ZNF670: variants seen among roughly 807,000 people sequenced by gnomAD.
ZNF670 encodes the protein zinc finger protein 670.
A neutral mutation model predicts 10.9 loss-of-function variants in ZNF670; 7 were observed. The observed-to-expected ratio is 0.64, with a 90% CI of 0.36 to 1.20. ZNF670 has a LOEUF of 1.20. ZNF670 is among the 50% of genes most tolerant of loss of function. ZNF670 has a pLI of 0.02. For missense variants in ZNF670, 446 were observed against 458.6 expected (o/e 0.97, Z 0.25); for synonymous variants, 136 against 152.7 (o/e 0.89, Z 0.81).
chr1:247,039,519 C>T lies in ZNF670; in HGVS notation c.22G>A (p.Asp8Asn), dbSNP rs1317381917. ...TCCTGAGTAAAGGCCACAGCCACAT[C>T]TTCAAATGACACTGAATCCTAGAAT... MDSVSFE[D>N]VAVAFTQEEW... is the part of the protein sequence containing the mutation. The change falls in exon 2 of 4, where the codon GAT (aspartate) becomes AAT (asparagine). Residue 8 changes from aspartate to asparagine, a missense_variant. Transcript: ENST00000366503. 6.3e-7 allele frequency: 1 copy of T among 1,594,918 alleles called. No individual in the cohort carries two copies. The highest frequency in any genetic ancestry group is 1.4e-5 in the African/African-American group (1 of 73,238).
At chr1:247,068,107 C>T (rs1671031977) in intron 1 of ZNF670, among the ~76,000 whole-genome samples, 1 of 150,312 alleles carries the variant, frequency 6.7e-6, no homozygotes, top group Non-Finnish European at 1.5e-5. Context: ...CACTTGAGCT[C>T]AGGAGTTTGA....
intron 1 of ZNF670, among the ~76,000 whole-genome samples, chr1:247,047,842 C>A (rs1255421286): frequency 1.3e-5 from 2 of 151,798 alleles, no homozygotes; most frequent in Non-Finnish European, 3.0e-5. Flanking sequence ...TAGGACACAG[C>A]ACCATGTCCC....
chr1:247,070,996 G>A (rs1671101209), intron 1 of ZNF670, among the ~76,000 whole-genome samples: 1 of 152,192 alleles, frequency 6.6e-6, no homozygotes, highest in Admixed American at 6.5e-5. Flanking sequence ...GCAGAGAAAA[G>A]GGAATGCTTA....
At chr1:247,072,958 AAG>A (rs1273389953) in intron 1 of ZNF670, among the ~76,000 whole-genome samples, 1 of 151,504 alleles carries the variant, frequency 6.6e-6, no homozygotes, top group South Asian at 2.1e-4. Context: ...GCCATAAAAA[AAG>A]AGCAAAATTC....
chr1:247,059,749 G>C (rs1343402068), intron 1 of ZNF670, among the ~76,000 whole-genome samples: 1 of 144,892 alleles, frequency 6.9e-6, no homozygotes, highest in Non-Finnish European at 1.6e-5. Context: ...TAACATGACT[G>C]TCTATGTACA....
chr1:247,071,496 T>C (rs1333816040), intron 1 of ZNF670, among the ~76,000 whole-genome samples: 2 of 152,126 alleles, frequency 1.3e-5, no homozygotes, highest in African/African-American at 4.8e-5. Flanking sequence ...AGGGTGAGGG[T>C]CTAAAAACTA....
In ZNF670 at chr1:247,037,495, C is replaced by G; in HGVS notation, c.1124G>C (p.Ser375Thr). The change falls in exon 4 of 4, where the codon AGT (serine) becomes ACT (threonine). Residue 375 changes from serine to threonine, a missense_variant. Physicochemically the swap from Ser to Thr is moderately conservative, Grantham distance 58. Transcript: ENST00000366503. ...YECKKCGKAF[S>T]CSSSLRKHER... ...ATGCTTTCGAAGGGAACTGGAACAACTGAAGGCTTTACCACATTTCTTACA... is the reference window on the plus strand; with the variant it reads ...ATGCTTTCGAAGGGAACTGGAACAAGTGAAGGCTTTACCACATTTCTTACA... 1 of 1,613,952 alleles carries G rather than the reference C, an allele frequency of 6.2e-7. No homozygotes were observed. The highest frequency in any genetic ancestry group is 8.5e-7 in the Non-Finnish European group (1 of 1,179,904).
intron 1 of ZNF670, among the ~76,000 whole-genome samples, chr1:247,048,771 G>A (rs1670518580): frequency 6.6e-6 from 1 of 152,164 alleles, no homozygotes; most frequent in African/African-American, 2.4e-5. Context: ...GTGGTAGGAA[G>A]AAGAATGACT....
intron 1 of ZNF670, among the ~76,000 whole-genome samples, chr1:247,063,577 CAAAA>C (rs5782410): frequency 4.3e-5 from 4 of 93,232 alleles, no homozygotes; most frequent in Non-Finnish European, 4.2e-5. Flanking sequence ...AGCGAGACAC[CAAAA>C]AAAAAAAAAA....
intron 1 of ZNF670, among the ~76,000 whole-genome samples, chr1:247,052,436 G>A (rs954029358): frequency 6.6e-6 from 1 of 152,158 alleles, no homozygotes; most frequent in African/African-American, 2.4e-5. Flanking sequence ...GTCCTGTGAT[G>A]TGATCTCTTC....
At chr1:247,056,613 A>G (rs55984722) in intron 1 of ZNF670, among the ~76,000 whole-genome samples, 53,820 of 152,046 alleles carry the variant, frequency 0.35, 10,977 homozygotes, top group African/African-American at 0.55. Context: ...TAAAAAACTA[A>G]AAAAGAGGTT....
chr1:247,047,003 T>C (rs980205304), intron 1 of ZNF670, among the ~76,000 whole-genome samples: 2 of 152,262 alleles, frequency 1.3e-5, no homozygotes, highest in Non-Finnish European at 2.9e-5. Flanking sequence ...TTTGACTCCA[T>C]GTCTCACATC....
chr1:247,054,283 G>A (rs1419576403), intron 1 of ZNF670, among the ~76,000 whole-genome samples: 1 of 152,218 alleles, frequency 6.6e-6, no homozygotes, highest in Non-Finnish European at 1.5e-5. Flanking sequence ...GGGCTCAGAG[G>A]CAGAGGACTT....
intron 1 of ZNF670, among the ~76,000 whole-genome samples, chr1:247,071,183 C>T (rs1671105666): frequency 6.6e-6 from 1 of 152,198 alleles, no homozygotes; most frequent in Non-Finnish European, 1.5e-5. Flanking sequence ...ATATTCACTG[C>T]AGCACTATTC....
chr1:247,070,299 G>T (rs141172485), intron 1 of ZNF670, among the ~76,000 whole-genome samples: 1 of 152,000 alleles, frequency 6.6e-6, no homozygotes, highest in Admixed American at 6.6e-5. Flanking sequence ...GTGAAACCCC[G>T]TCTCTACTAA....
intron 1 of ZNF670, among the ~76,000 whole-genome samples, chr1:247,041,074 C>T (rs1022014889): frequency 6.6e-6 from 1 of 152,178 alleles, no homozygotes; most frequent in African/African-American, 2.4e-5. Flanking sequence ...TTAAAACATA[C>T]AGTAGAGCAA....
In ZNF670 at chr1:247,035,326, G is replaced by A. The variant is rs1161830829; in HGVS notation, c.*2123C>T. On this transcript the variant is annotated 3_prime_UTR_variant, in exon 4 of 4. Transcript: ENST00000366503. ...TACATACATTCATAGACAAAAAAGG[G>A]AGGGTTCTGTAAACGAGGCTGGTCC... 6.6e-6 allele frequency among the ~76,000 whole-genome samples: 1 copy of A among 152,204 alleles called. No homozygotes were observed. Among genetic ancestry groups the A allele is most frequent in the Non-Finnish European group, 1.5e-5 (1 of 68,038 alleles).
At chr1:247,061,352 T>C (rs1460872244) in intron 1 of ZNF670, among the ~76,000 whole-genome samples, 1 of 152,000 alleles carries the variant, frequency 6.6e-6, no homozygotes, top group Admixed American at 6.6e-5. Context: ...GGCTAATCTT[T>C]TTGTATTTTT....
chr1:247,037,530 T>C lies in ZNF670; in HGVS notation c.1089A>G (p.Lys363=). 6.2e-7 allele frequency: 1 copy of C among 1,614,030 alleles called. No homozygotes were observed. Among genetic ancestry groups the C allele is most frequent in the Non-Finnish European group, 8.5e-7 (1 of 1,179,956 alleles). The change falls in exon 4 of 4, where the codon AAA becomes AAG. Residue 363 remains lysine (K), a synonymous_variant. Transcript: ENST00000366503. Reference sequence around the variant, plus strand: ...TACCACATTTCTTACATTCATAGGGTTTTTCTCCAGTATGAGTCCTTTCAT... The same window carrying C: ...TACCACATTTCTTACATTCATAGGGCTTTTCTCCAGTATGAGTCCTTTCAT... ...RSHERTHTGE[K]PYECKKCGKA...
Sources: allele counts gnomAD v4.1 joint callset (sites outside exome capture counted in the v4.1 genomes callset), GRCh38; gene constraint gnomAD v4.1.1; transcripts MANE v1.5; gene names NCBI Gene and HGNC (gene_info 2026-07-23, HGNC 2026-07-21).